The following RIMS3 variants were observed in gnomAD, a reference collection of about 807,000 sequenced individuals.
RIMS3 encodes regulating synaptic membrane exocytosis 3.
In RIMS3, 15 loss-of-function variants were observed where a neutral mutation model predicts 29.2. The ratio of observed to expected loss-of-function variants is 0.51; its 90% confidence interval spans 0.34 to 0.79. The LOEUF (loss-of-function observed/expected upper bound fraction) is 0.79, where lower values mean the gene tolerates loss of function less well. RIMS3 is among the 30% of genes least tolerant of loss of function. RIMS3 has a pLI of 0.01. For synonymous variants in RIMS3, 161 were observed against 170.1 expected (o/e 0.95, Z 0.41); for missense variants, 342 against 421.4 (o/e 0.81, Z 1.65).
intron 1 of RIMS3, among the ~76,000 whole-genome samples, chr1:40,658,595 G>A (rs1241595172): frequency 6.6e-6 from 1 of 152,230 alleles, no homozygotes; most frequent in East Asian, 1.9e-4. Flanking sequence ...GAGCCAATCA[G>A]ATCCTCTCCT....
upstream of RIMS3, among the ~76,000 whole-genome samples, chr1:40,668,165 C>T (rs868499924): frequency 6.7e-4 from 101 of 149,818 alleles, no homozygotes; most frequent in African/African-American, 2.3e-3. Flanking sequence ...GCAGGAGAAT[C>T]GCTTGAACCC....
intron 5 of RIMS3, among the ~76,000 whole-genome samples, chr1:40,630,319 T>C (rs1646481363): frequency 6.6e-6 from 1 of 152,192 alleles, no homozygotes. Context: ...GTCAGTTACC[T>C]GATTTCTAGG....
At chr1:40,684,724 G>A in the RIMS3 span, among the ~76,000 whole-genome samples, 1 of 152,232 alleles carries the variant, frequency 6.6e-6, no homozygotes. Context: ...GTTGTATGGA[G>A]AAATTTTATC....
chr1:40,679,955 C>G, the RIMS3 span, among the ~76,000 whole-genome samples: 1 of 151,040 alleles, frequency 6.6e-6, no homozygotes. Context: ...AGCTCCAGCA[C>G]AGTTGATTGG....
At position 40,633,077 on chromosome 1, in the gene RIMS3, G is replaced by A. The variant is rs766380676; in HGVS notation, c.464C>T (p.Pro155Leu). 1 of 1,613,822 alleles carries A rather than the reference G, an allele frequency of 6.2e-7. No individual in the cohort carries two copies. Among genetic ancestry groups the A allele is most frequent in the South Asian group, 1.1e-5 (1 of 91,080 alleles). Residue 155 changes from proline (P) to leucine (L), a missense_variant, in exon 5 of 8, where the codon CCA (proline) becomes CTA (leucine). By Grantham distance (98) the Pro-to-Leu change is moderately conservative (BLOSUM62 -3). Transcript: ENST00000372684. The part of the protein sequence containing the change: ...QIVGRQTLAT[P>L]PMGDVHIAIM... ...CCCTTAATAAGACTCACCCATGGGT[G>A]GTGTTGCCAGTGTCTGTCGCCCCAC...
the RIMS3 span, among the ~76,000 whole-genome samples, chr1:40,674,085 C>A: frequency 2.0e-5 from 3 of 152,138 alleles, no homozygotes; most frequent in Non-Finnish European, 2.9e-5. Context: ...ATTGTTTATA[C>A]TTCTTCTAAA....
the RIMS3 span, chr1:40,673,370 C>T: frequency 6.6e-6 from 1 of 152,208 alleles, no homozygotes; most frequent in Non-Finnish European, 1.5e-5. Flanking sequence ...AGCAGTTGCA[C>T]TTCCTAGGTT....
the RIMS3 span, among the ~76,000 whole-genome samples, chr1:40,682,234 G>T: frequency 6.6e-6 from 1 of 152,178 alleles, no homozygotes; most frequent in Non-Finnish European, 1.5e-5. Flanking sequence ...ATTCAATGTT[G>T]TTGTTTAGGT....
At chr1:40,676,237 C>A in the RIMS3 span, among the ~76,000 whole-genome samples, 1 of 152,172 alleles carries the variant, frequency 6.6e-6, no homozygotes, top group Non-Finnish European at 1.5e-5. Flanking sequence ...AAGTCCCTGC[C>A]CCTCTCTGAG....
chr1:40,641,661 TG>T, intron 3 of RIMS3, 47 bp downstream of exon 3: 1 of 1,579,986 alleles, frequency 6.3e-7, no homozygotes, highest in Non-Finnish European at 8.7e-7. Context: ...AGTCTGTCTT[TG>T]CGAAGTGTCC....
the RIMS3 span, among the ~76,000 whole-genome samples, chr1:40,688,613 A>G: frequency 6.6e-6 from 1 of 152,202 alleles, no homozygotes; most frequent in Non-Finnish European, 1.5e-5. Context: ...TATCGCCAAG[A>G]CACTTGCTGG....
the RIMS3 span, among the ~76,000 whole-genome samples, chr1:40,685,274 A>G: frequency 8.9e-5 from 11 of 123,070 alleles, no homozygotes; most frequent in Non-Finnish European, 1.8e-4. Flanking sequence ...ATTATGAAAA[A>G]CATAATTTAT....
chr1:40,649,726 G>A (rs1472817953), intron 1 of RIMS3, among the ~76,000 whole-genome samples: 3 of 152,198 alleles, frequency 2.0e-5, no homozygotes, highest in Non-Finnish European at 4.4e-5. Flanking sequence ...CTGGCAGGGA[G>A]CAGCTGCTGT....
chr1:40,675,555 C>T, the RIMS3 span, among the ~76,000 whole-genome samples: 13 of 151,946 alleles, frequency 8.6e-5, 1 homozygote, highest in African/African-American at 2.9e-4. Context: ...GTCAGGAGTT[C>T]GAGACCAGCC....
intron 1 of RIMS3, among the ~76,000 whole-genome samples, chr1:40,655,378 C>T (rs1245594926): frequency 1.3e-5 from 2 of 152,076 alleles, no homozygotes; most frequent in African/African-American, 2.4e-5. Flanking sequence ...CAAGTCCTGG[C>T]CTCAGAGATG....
chr1:40,686,564 G>C, the RIMS3 span, among the ~76,000 whole-genome samples: 4 of 152,160 alleles, frequency 2.6e-5, no homozygotes, highest in Admixed American at 2.6e-4. Context: ...GGCTGCGGCA[G>C]GAGAATGGCG....
intron 1 of RIMS3, among the ~76,000 whole-genome samples, chr1:40,650,286 G>A (rs1484977943): frequency 6.6e-6 from 1 of 152,194 alleles, no homozygotes; most frequent in African/African-American, 2.4e-5. Context: ...GGGGGCTCCT[G>A]AGGACAGGGC....
At chr1:40,656,433 C>A (rs1642274162) in intron 1 of RIMS3, among the ~76,000 whole-genome samples, 1 of 152,150 alleles carries the variant, frequency 6.6e-6, no homozygotes, top group Non-Finnish European at 1.5e-5. Flanking sequence ...TGTTCTGAGC[C>A]TAGCCTGAGA....
At chr1:40,671,706 C>T in the RIMS3 span, among the ~76,000 whole-genome samples, 1 of 151,968 alleles carries the variant, frequency 6.6e-6, no homozygotes, top group Non-Finnish European at 1.5e-5. Flanking sequence ...TATCATGCTT[C>T]CTGTACAGCC....
Sources: gnomAD v4.1 joint callset for allele counts (sites outside exome capture counted in the v4.1 genomes callset) on GRCh38, gnomAD v4.1.1 for gene constraint, MANE v1.5 for transcripts, NCBI Gene and HGNC (gene_info 2026-07-23, HGNC 2026-07-21) for gene names.